The following ATP8A1 variants were observed in gnomAD, a reference collection of about 807,000 sequenced individuals.
ATP8A1 encodes phospholipid-transporting ATPase IA.
ATP8A1 carries 90 observed loss-of-function variants against 177.7 expected under a neutral mutation model. That is an observed-to-expected ratio of 0.51 (90% confidence interval 0.43 to 0.60). The LOEUF (loss-of-function observed/expected upper bound fraction) is 0.60, where lower values mean the gene tolerates loss of function less well. ATP8A1 is among the 20% of genes least tolerant of loss of function. ATP8A1 has a pLI of 0.00. For synonymous variants in ATP8A1, 493 were observed against 485.9 expected (o/e 1.01, Z -0.19); for missense variants, 1,072 against 1,392.8 (o/e 0.77, Z 3.67).
At position 42,410,516 on chromosome 4, in the gene ATP8A1, A is replaced by G. The variant is rs1712472233; in HGVS notation, c.*2400T>C. ...AAATCAGACTATTTTCTCTAATTTA[A>G]CACTGTAAAGTCACTGCAATTGCAA... On this transcript the variant is annotated 3_prime_UTR_variant, in exon 37 of 37. Coordinates refer to ENST00000381668, the MANE Select transcript of ATP8A1 (RefSeq NM_006095.2). The G allele has an allele frequency of 6.6e-6, 1 of 152,190 alleles. No individual in the cohort carries two copies. Among genetic ancestry groups the G allele is most frequent in the African/African-American group, 2.4e-5 (1 of 41,448 alleles). 9.4% of individuals were successfully genotyped at this position (152,190 alleles called of 1,614,324 possible).
chr4:42,601,604 C>T (rs191197519), intron 5 of ATP8A1, among the ~76,000 whole-genome samples: 91 of 152,176 alleles, frequency 6.0e-4, no homozygotes, highest in African/African-American at 2.2e-3. Context: ...GCCGGCACAG[C>T]ACTTAGTACT....
At chr4:42,417,294 A>G (rs78818650) in intron 35 of ATP8A1, among the ~76,000 whole-genome samples, 2 of 151,610 alleles carry the variant, frequency 1.3e-5, no homozygotes, top group East Asian at 3.9e-4. Flanking sequence ...TAGATATATT[A>G]AAAGTTCAGT....
chr4:42,418,514 T>C (rs1713504773), intron 35 of ATP8A1, among the ~76,000 whole-genome samples: 1 of 152,210 alleles, frequency 6.6e-6, no homozygotes, highest in Admixed American at 6.5e-5. Flanking sequence ...ATTTTACTTT[T>C]TTTAAAGTAC....
chr4:42,650,299 C>T (rs528946002), intron 1 of ATP8A1, among the ~76,000 whole-genome samples: 2 of 152,302 alleles, frequency 1.3e-5, no homozygotes, highest in Admixed American at 6.5e-5. Context: ...ATATTGATGA[C>T]ATGCTGTATC....
At position 42,569,654 on chromosome 4, in the gene ATP8A1, TACC is replaced by T. The variant is rs1274235239; in HGVS notation, c.1296-452_1296-450del. 2.0e-5 allele frequency among the ~76,000 whole-genome samples: 3 copies of T among 152,216 alleles called. No individual in the cohort carries two copies. The East Asian group carries it at 5.8e-4, about 29-fold the overall frequency. ...AATACATTTTAGAAGTAACTTTGGC[TACC>T]ACGAGATGATGGTTACTTCAACAGG... On this transcript the variant is annotated intron_variant, in intron 14 of 36. Coordinates refer to ENST00000381668, the MANE Select transcript of ATP8A1 (RefSeq NM_006095.2).
At chr4:42,624,378 T>A (rs1737814970) in intron 4 of ATP8A1, among the ~76,000 whole-genome samples, 158 bp downstream of exon 4, 1 of 151,932 alleles carries the variant, frequency 6.6e-6, no homozygotes, top group Non-Finnish European at 1.5e-5. Context: ...AAAACAAAAA[T>A]CAACTTCAGG....
intron 5 of ATP8A1, among the ~76,000 whole-genome samples, chr4:42,602,454 T>C (rs1201588510): frequency 6.6e-6 from 1 of 151,982 alleles, no homozygotes; most frequent in African/African-American, 2.4e-5. Flanking sequence ...TCAAAATAAG[T>C]TGTAACAAAG....
intron 4 of ATP8A1, among the ~76,000 whole-genome samples, chr4:42,618,370 A>C (rs927207548): frequency 6.6e-6 from 1 of 152,150 alleles, no homozygotes; most frequent in African/African-American, 2.4e-5. Flanking sequence ...CAGTACATAA[A>C]TATATACCAG....
At chr4:42,649,343 A>C (rs573130380) in intron 1 of ATP8A1, among the ~76,000 whole-genome samples, 39 of 152,348 alleles carry the variant, frequency 2.6e-4, no homozygotes, top group Admixed American at 1.2e-3. Flanking sequence ...GATATCCATA[A>C]AATTATTAAA....
intron 1 of ATP8A1, among the ~76,000 whole-genome samples, chr4:42,655,664 T>C (rs561923286): frequency 3.2e-4 from 48 of 152,346 alleles, no homozygotes; most frequent in African/African-American, 9.9e-4. Flanking sequence ...CAGTTTTGAA[T>C]CTTGCTTCGT....
In ATP8A1 at chr4:42,590,827, T is replaced by C. The variant is rs1290679119; in HGVS notation, c.508A>G (p.Ile170Val). ...TNGEHLPADLISLSSSEPQAM... is the reference protein window; with the variant it reads ...TNGEHLPADLVSLSSSEPQAM... ...GGTTCTAACCTTGAGGACAGACTGA[T>C]GAGATCTGCTGGGAGATGTTCCCCA... Residue 170 changes from isoleucine (I) to valine (V), a missense_variant, in exon 7 of 37, where the codon ATC becomes GTC. This residue lies in a region of ATP8A1 where 344 missense variants were observed against 393.5 expected (regional missense o/e 0.87). Coordinates refer to ENST00000381668, the MANE Select transcript of ATP8A1 (RefSeq NM_006095.2). 6.2e-7 allele frequency: 1 copy of C among 1,612,750 alleles called. No homozygotes were observed. Among genetic ancestry groups the C allele is most frequent in the Non-Finnish European group, 8.5e-7 (1 of 1,179,056 alleles).
At chr4:42,581,341 G>A (rs989279358) in intron 10 of ATP8A1, among the ~76,000 whole-genome samples, 1 of 152,156 alleles carries the variant, frequency 6.6e-6, no homozygotes, top group Non-Finnish European at 1.5e-5. Flanking sequence ...CACCGTGTTA[G>A]CCAGCATGAT....
chr4:42,648,778 C>T (rs1740803762), intron 1 of ATP8A1, among the ~76,000 whole-genome samples: 1 of 151,950 alleles, frequency 6.6e-6, no homozygotes, highest in Admixed American at 6.6e-5. Flanking sequence ...AACTTCAATA[C>T]AAAACTTGAT....
At chr4:42,511,153 C>T (rs1335206955) in intron 22 of ATP8A1, among the ~76,000 whole-genome samples, 1 of 152,144 alleles carries the variant, frequency 6.6e-6, no homozygotes, top group East Asian at 1.9e-4. Flanking sequence ...AGACTCCTTT[C>T]CTTTTGCCCT....
intron 1 of ATP8A1, among the ~76,000 whole-genome samples, chr4:42,646,941 A>G (rs957271983): frequency 5.9e-5 from 9 of 152,224 alleles, no homozygotes; most frequent in African/African-American, 2.2e-4. Flanking sequence ...AATACTACTT[A>G]AGAGTTTTAT....
chr4:42,534,713 G>T (rs1366032207), intron 20 of ATP8A1, among the ~76,000 whole-genome samples: 2 of 152,202 alleles, frequency 1.3e-5, no homozygotes, highest in Admixed American at 6.5e-5. Context: ...TAGTCGGCAG[G>T]TTATCTAAAG....
rs868327504 is a variant in ATP8A1 at position 42,475,030 on chromosome 4, G to A, written c.2325-9954C>T. Among the ~76,000 whole-genome samples, 4 of 152,094 alleles carry A rather than the reference G, an allele frequency of 2.6e-5. No individual in the cohort carries two copies. In the East Asian group the frequency reaches 5.8e-4, roughly 22 times the overall value. On this transcript the variant is annotated intron_variant, in intron 25 of 36. Transcript: ENST00000381668. Reference sequence around the variant, plus strand: ...TTGCACCCAACACATTGAATTCTCAGAACAATCCCATAAGTTATTATTGTC... The same window carrying A: ...TTGCACCCAACACATTGAATTCTCAAAACAATCCCATAAGTTATTATTGTC...
intron 14 of ATP8A1, among the ~76,000 whole-genome samples, chr4:42,571,518 C>A (rs1358038540): frequency 3.4e-5 from 5 of 148,542 alleles, no homozygotes; most frequent in African/African-American, 1.2e-4. Context: ...CCAGAATCTT[C>A]ACTCTATTGA....
intron 14 of ATP8A1, 84 bp from the exon 15 acceptor site, chr4:42,569,289 T>C: frequency 1.9e-6 from 2 of 1,032,066 alleles, no homozygotes; most frequent in South Asian, 3.1e-5. Context: ...AGAAGGGAAG[T>C]ATAAAAAGAT....
Sources: allele counts gnomAD v4.1 joint callset (sites outside exome capture counted in the v4.1 genomes callset), GRCh38; gene constraint gnomAD v4.1.1; regional missense constraint gnomAD v4.1.1; transcripts MANE v1.5; gene names NCBI Gene and HGNC (gene_info 2026-07-23, HGNC 2026-07-21).